Variants in RNF121 observed in about 807,000 individuals in gnomAD.
RNF121 encodes E3 ubiquitin ligase RNF121.
Under a neutral mutation model 46.5 loss-of-function variants are expected in RNF121, and 21 were observed. That is an observed-to-expected ratio of 0.45 (90% CI 0.32 to 0.65). The LOEUF (loss-of-function observed/expected upper bound fraction) is 0.65, where lower values mean the gene tolerates loss of function less well. Among genes scored for constraint, RNF121 ranks in the 30% least tolerant of loss-of-function variants. The pLI is 0.04. For synonymous variants in RNF121, 139 were observed against 144.7 expected (o/e 0.96, Z 0.28); for missense variants, 346 against 416.0 (o/e 0.83, Z 1.46).
intron 1 of RNF121, among the ~76,000 whole-genome samples, chr11:71,931,360 G>A (rs1005854283): frequency 6.6e-6 from 1 of 152,140 alleles, no homozygotes; most frequent in African/African-American, 2.4e-5. Flanking sequence ...GTGTGGACTG[G>A]TTCTATCTTT....
intron 1 of RNF121, among the ~76,000 whole-genome samples, chr11:71,938,167 AG>A: frequency 1.3e-5 from 2 of 152,288 alleles, no homozygotes; most frequent in Middle Eastern, 3.4e-3. Context: ...TGTTGCCCAT[AG>A]GATTGAGCCT....
Position 71,979,450 on chromosome 11 carries a change from T to C in RNF121, c.244-3311T>C, listed in dbSNP as rs115322143. ...CTCTCTTTTTTTCTCACACACAGTC[T>C]TTTTCTTTCTCTCGATGTGACTTGA... On this transcript the variant is annotated intron_variant, in intron 3 of 8. Coordinates refer to ENST00000361756, the MANE Select transcript of RNF121 (RefSeq NM_018320.5). 1.6e-3 allele frequency among the ~76,000 whole-genome samples: 244 copies of C among 152,318 alleles called. 1 individual carries two copies. Among genetic ancestry groups the C allele is most frequent in the African/African-American group, 5.5e-3 (228 of 41,560 alleles).
In RNF121 at chr11:71,983,188, G is replaced by T. The variant is rs1004402592; in HGVS notation, c.398+273G>T. 2.8e-5 allele frequency: 8 copies of T among 281,892 alleles called. No individual in the cohort carries two copies. In the Admixed American group the frequency reaches 4.1e-4, roughly 15 times the overall value. 17.5% of individuals were successfully genotyped at this position (281,892 alleles called of 1,614,324 possible). Reference sequence around the variant, plus strand: ...TAAGCAAATTGTGGTGATCATTGTGGTCTCATTTTAAATGTTTTCTTCTAT... The same window carrying T: ...TAAGCAAATTGTGGTGATCATTGTGTTCTCATTTTAAATGTTTTCTTCTAT... On this transcript the variant is annotated intron_variant, in intron 4 of 8. Coordinates refer to ENST00000361756, the MANE Select transcript of RNF121 (RefSeq NM_018320.5).
chr11:71,948,357 C>T (rs933360588), intron 1 of RNF121, among the ~76,000 whole-genome samples: 7 of 151,674 alleles, frequency 4.6e-5, no homozygotes, highest in African/African-American at 1.2e-4. Flanking sequence ...CTTTACTAAA[C>T]GTACAAAAAT....
chr11:71,986,492 G>A (rs1357614474), intron 4 of RNF121, among the ~76,000 whole-genome samples: 1 of 152,220 alleles, frequency 6.6e-6, no homozygotes, highest in Non-Finnish European at 1.5e-5. Context: ...GCATAGCTGG[G>A]TGTGGTGGCT....
intron 4 of RNF121, chr11:71,983,874 T>C (rs1565159708): frequency 6.6e-6 from 1 of 152,324 alleles, no homozygotes; most frequent in Non-Finnish European, 1.5e-5. Flanking sequence ...TAGATTGCTC[T>C]TCTTCCTATT....
rs550100853 is a variant in RNF121, at chr11:71,965,461, G to A, written c.243+4570G>A. 2.0e-5 allele frequency among the ~76,000 whole-genome samples: 3 copies of A among 152,132 alleles called. No individual in the cohort carries two copies. The South Asian group carries it at 6.2e-4, about 32-fold the overall frequency. On this transcript the variant is annotated intron_variant, in intron 3 of 8. Coordinates refer to ENST00000361756, the MANE Select transcript of RNF121 (RefSeq NM_018320.5). ...AGATGGTTTTATGTTGTCCAGGCTG[G>A]TCAGGAACTCCTGGGCTGAAGTGAT...
rs557091762 is a variant in RNF121, at chr11:71,937,420, C to CTCCTGCCTCAG, written c.63+8297_63+8307dup. On this transcript the variant is annotated intron_variant, in intron 1 of 8. Transcript: ENST00000361756. The stretch of plus-strand genomic sequence containing the variant: ...CTCCGCCTCCTGGGTTCAAGTGATT[C>CTCCTGCCTCAG]TCCTGCCTCAGCTTCTGGAGTAGCT... Among the ~76,000 whole-genome samples the CTCCTGCCTCAG allele has an allele frequency of 1.6e-4, 25 of 152,266 alleles. No homozygotes were observed. The East Asian group carries it at 3.5e-3, about 21-fold the overall frequency.
intron 2 of RNF121, among the ~76,000 whole-genome samples, chr11:71,957,498 TACTAG>T (rs1381335447): frequency 6.6e-6 from 1 of 152,212 alleles, no homozygotes; most frequent in African/African-American, 2.4e-5. Context: ...TTCTACCATT[TACTAG>T]CTGTGTGATT....
At chr11:71,966,963 C>T (rs957042763) in intron 3 of RNF121, among the ~76,000 whole-genome samples, 2 of 149,516 alleles carry the variant, frequency 1.3e-5, no homozygotes, top group African/African-American at 2.4e-5. Flanking sequence ...GCTCCGCTTC[C>T]CGGGTTCACG....
chr11:71,986,506 G>T (rs534168739), intron 4 of RNF121, among the ~76,000 whole-genome samples: 1 of 152,186 alleles, frequency 6.6e-6, no homozygotes, highest in African/African-American at 2.4e-5. Context: ...GGTGGCTCAC[G>T]CCTATAATCC....
chr11:71,993,272 A>G (rs1241457696), intron 6 of RNF121, among the ~76,000 whole-genome samples: 2 of 152,246 alleles, frequency 1.3e-5, no homozygotes, highest in South Asian at 4.1e-4. Flanking sequence ...CAATTCATGC[A>G]TTAATTACAT....
In RNF121 at chr11:71,990,910, A is replaced by G. The variant is rs1293083524; in HGVS notation, c.627+193A>G. On this transcript the variant is annotated intron_variant, in intron 6 of 8. Coordinates refer to ENST00000361756, the MANE Select transcript of RNF121 (RefSeq NM_018320.5). The stretch of plus-strand genomic sequence containing the variant: ...CACAGCCATAAAAAAAGATAAAACC[A>G]TGTGCGTTGCAGCAACATGCCAGCT... The G allele has an allele frequency of 6.0e-6, 4 of 669,842 alleles. No individual in the cohort carries two copies. In the African/African-American group the frequency reaches 7.2e-5, roughly 12 times the overall value. The allele number at this position is 669,842 out of a possible 1,614,324, so 41.5% of individuals were successfully genotyped here.
intron 4 of RNF121, among the ~76,000 whole-genome samples, chr11:71,985,416 AT>A (rs1954753046): frequency 6.6e-6 from 1 of 152,218 alleles, no homozygotes; most frequent in South Asian, 2.1e-4. Flanking sequence ...CTACTAAAAC[AT>A]CACTTAATCC....
intron 3 of RNF121, among the ~76,000 whole-genome samples, chr11:71,978,659 TATA>T (rs956043719): frequency 3.9e-5 from 6 of 152,230 alleles, no homozygotes; most frequent in African/African-American, 1.4e-4. Context: ...TCCATTTAAA[TATA>T]AGAACTATTA....
In RNF121 at chr11:71,996,351, G is replaced by T; in HGVS notation, c.*36G>T. ...CATCAGTGGAAAACCCACCCCACAC[G>T]CCATGGACCTCAGGGCACTCTCCTC... is the stretch of plus-strand genomic sequence containing the variant. On this transcript the variant is annotated 3_prime_UTR_variant, in exon 9 of 9. Transcript: ENST00000361756. 6.2e-7 allele frequency: 1 copy of T among 1,609,594 alleles called. No homozygotes were observed. The highest frequency in any genetic ancestry group is 1.3e-5 in the African/African-American group (1 of 74,946).
At chr11:71,987,425 A>G (rs1590813073) in intron 5 of RNF121, among the ~76,000 whole-genome samples, 2 of 152,232 alleles carry the variant, frequency 1.3e-5, no homozygotes, top group Non-Finnish European at 1.5e-5. Flanking sequence ...CTATCACCTT[A>G]ACAGAGCTGT....
intron 3 of RNF121, among the ~76,000 whole-genome samples, chr11:71,967,102 A>T: frequency 6.9e-6 from 1 of 145,700 alleles, no homozygotes; most frequent in Non-Finnish European, 1.5e-5. Context: ...CGATCTCCTG[A>T]CCTCATGATC....
intron 2 of RNF121, among the ~76,000 whole-genome samples, chr11:71,958,348 ACAT>A (rs1344603010): frequency 2.6e-5 from 4 of 152,232 alleles, no homozygotes; most frequent in African/African-American, 9.6e-5. Context: ...TGTTTGAATA[ACAT>A]CATGATAAAT....
Sources: gnomAD v4.1 joint callset for allele counts (sites outside exome capture counted in the v4.1 genomes callset) on GRCh38, gnomAD v4.1.1 for gene constraint, MANE v1.5 for transcripts, NCBI Gene and HGNC (gene_info 2026-07-23, HGNC 2026-07-21) for gene names.